The following ZNF471 variants were observed in gnomAD, a reference collection of about 807,000 sequenced individuals.
ZNF471 encodes zinc finger protein 471.
Under a neutral mutation model 13.7 loss-of-function variants are expected in ZNF471, and 7 were observed. The observed-to-expected ratio is 0.51, with a 90% confidence interval of 0.29 to 0.96. ZNF471 has a LOEUF of 0.96. ZNF471 is among the 40% of genes least tolerant of loss of function. ZNF471 has a pLI of 0.08. For missense variants in ZNF471, 663 were observed against 743.3 expected, an observed-to-expected ratio of 0.89 and a Z score of 1.26; for synonymous variants, 218 against 235.6, an observed-to-expected ratio of 0.93 and a Z score of 0.68.
At chr19:56,521,200 G>A (rs896781570) in intron 4 of ZNF471, among the ~76,000 whole-genome samples, 14 of 152,086 alleles carry the variant, frequency 9.2e-5, no homozygotes, top group Non-Finnish European at 1.8e-4. Flanking sequence ...TTTGTGTGGG[G>A]ACACAGCCAA....
At chr19:56,519,473 A>G (rs1184083949) in intron 4 of ZNF471, among the ~76,000 whole-genome samples, 1 of 152,002 alleles carries the variant, frequency 6.6e-6, no homozygotes, top group East Asian at 1.9e-4. Flanking sequence ...CAACCCAATA[A>G]CTGTCCACCA....
Position 56,518,508 on chromosome 19 carries a change from A to C in ZNF471, c.187A>C (p.Ile63Leu). 2.5e-6 allele frequency: 4 copies of C among 1,613,612 alleles called. No individual in the cohort carries two copies. The highest frequency in any genetic ancestry group is 3.4e-6 in the Non-Finnish European group (4 of 1,179,876). The change falls in exon 4 of 5, where the codon ATC becomes CTC. Residue 63 changes from isoleucine to leucine, a missense_variant. Transcript: ENST00000308031. ...TCTTTGCATTTCTAAGCCATATGTGATCTCCTTATTGGAGCAAGGGAGAGA... is the reference window on the plus strand; with the variant it reads ...TCTTTGCATTTCTAAGCCATATGTGCTCTCCTTATTGGAGCAAGGGAGAGA... ...LGLCISKPYV[I>L]SLLEQGREPW...
At position 56,508,199 on chromosome 19, in the gene ZNF471, A is replaced by C; in HGVS notation, c.-56+279A>C. The stretch of plus-strand genomic sequence containing the variant: ...TGCCTGTGTGTAAAAGATCTGTCAG[A>C]GTGTGAGGCTCCGTGAGAGGGTGTG... On this transcript the variant is annotated intron_variant, in intron 1 of 4. Transcript: ENST00000308031. This position sits in a 1 kb window ranked among gnomAD's most constrained non-coding sequence, Gnocchi z 4.7. The C allele has an allele frequency of 1.0e-6, 1 of 979,420 alleles. No individual in the cohort carries two copies. The highest frequency in any genetic ancestry group is 4.7e-5 in the South Asian group (1 of 21,066). The allele number at this position is 979,420 out of a possible 1,614,324, so 60.7% of individuals were successfully genotyped here. A position where few individuals can be genotyped will look rare whatever the true frequency, so the allele number is the denominator to read the frequency against.
Position 56,526,163 on chromosome 19 carries a change from A to T in ZNF471, c.*215A>T, listed in dbSNP as rs1214183603. On this transcript the variant is annotated 3_prime_UTR_variant, in exon 5 of 5. Transcript: ENST00000308031. Reference sequence around the variant, plus strand: ...TGCTTTCTGTATTTCCAGCTGAGGTACCTGGCTCATCTCATTGGGACTGGT... The same window carrying T: ...TGCTTTCTGTATTTCCAGCTGAGGTTCCTGGCTCATCTCATTGGGACTGGT... 6.0e-6 allele frequency: 3 copies of T among 503,758 alleles called. No individual in the cohort carries two copies. Among genetic ancestry groups the T allele is most frequent in the Non-Finnish European group, 1.0e-5 (3 of 293,310 alleles). The allele number at this position is 503,758 out of a possible 1,614,324, so 31.2% of individuals were successfully genotyped here. A position where few individuals can be genotyped will look rare whatever the true frequency, so the allele number is the denominator to read the frequency against.
At chr19:56,514,186 C>G (rs956155639) in intron 2 of ZNF471, among the ~76,000 whole-genome samples, 6 of 150,898 alleles carry the variant, frequency 4.0e-5, no homozygotes, top group African/African-American at 1.5e-4. Flanking sequence ...CTCGGCCACT[C>G]GAGTAGCTGG....
Position 56,524,232 on chromosome 19 carries a change from T to G in ZNF471, c.257-92T>G. On this transcript the variant is annotated intron_variant, in intron 4 of 4. Transcript: ENST00000308031. The surrounding 1 kb of genome is among the most constrained non-coding windows in gnomAD (Gnocchi z 4.8). ...TGTACATAACAGGTTTTGTGAGATT[T>G]ATTAAATATTTTTAAATTACCTTTT... is the stretch of plus-strand genomic sequence containing the variant. 1 of 946,788 alleles carries G rather than the reference T, an allele frequency of 1.1e-6. No individual in the cohort carries two copies. The highest frequency in any genetic ancestry group is 2.7e-5 in the East Asian group (1 of 37,138). 58.6% of individuals were successfully genotyped at this position (946,788 alleles called of 1,614,324 possible).
rs1036881335 is a variant in ZNF471, at chr19:56,527,948, A to G, written c.*2000A>G. ...TCATTTCACCTGGACTATTTCAATC[A>G]TTACACAGGTGTCCAACCTTTTGTC... On this transcript the variant is annotated 3_prime_UTR_variant, in exon 5 of 5. Coordinates refer to ENST00000308031, the MANE Select transcript of ZNF471 (RefSeq NM_020813.4). The G allele has an allele frequency of 2.0e-5, 3 of 152,228 alleles. No homozygotes were observed. The highest frequency in any genetic ancestry group is 2.9e-5 in the Non-Finnish European group (2 of 68,090). The allele number at this position is 152,228 out of a possible 1,614,324, so 9.4% of individuals were successfully genotyped here. A position where few individuals can be genotyped will look rare whatever the true frequency, so the allele number is the denominator to read the frequency against.
In ZNF471 at chr19:56,518,473, T is replaced by A. The variant is rs2043924412; in HGVS notation, c.161-9T>A. 1.2e-6 allele frequency: 2 copies of A among 1,608,498 alleles called. No homozygotes were observed. The highest frequency in any genetic ancestry group is 1.3e-5 in the African/African-American group (1 of 74,736). On this transcript the variant is annotated splice_polypyrimidine_tract_variant and intron_variant, in intron 3 of 4. Transcript: ENST00000308031. ...ATGACCAATTTTCATGTCTTTTTTT[T>A]ATATGTAGGTCTTTGCATTTCTAAG...
Position 56,525,422 on chromosome 19 carries a change from T to C in ZNF471, c.1355T>C (p.Val452Ala). Residue 452 changes from valine (V) to alanine (A), a missense_variant, in exon 5 of 5, where the codon GTA becomes GCA. Val to Ala is a moderately conservative substitution (Grantham distance 64, BLOSUM62 0). Transcript: ENST00000308031. ...GCATCACTCACTCAGCATCAAAGAGTACATTCTGGAGAGAAACCGTATGAA... is the reference window on the plus strand; with the variant it reads ...GCATCACTCACTCAGCATCAAAGAGCACATTCTGGAGAGAAACCGTATGAA... ...HHASLTQHQR[V>A]HSGEKPYECK... The C allele has an allele frequency of 1.9e-6, 3 of 1,613,988 alleles. No individual in the cohort carries two copies. The highest frequency in any genetic ancestry group is 2.5e-6 in the Non-Finnish European group (3 of 1,180,008).
rs2044029854 is a variant in ZNF471 at position 56,525,295 on chromosome 19, A to G, written c.1228A>G (p.Lys410Glu). Reference protein sequence around the residue: ...EKPYKCGVCGKTFSSGSSRTV... With the variant: ...EKPYKCGVCGETFSSGSSRTV... ...ACCTTACAAATGTGGTGTGTGTGGA[A>G]AAACCTTCAGCTCGGGTTCATCCCG... Residue 410 changes from lysine to glutamate, a missense_variant, in exon 5 of 5, where the codon AAA becomes GAA. Coordinates refer to ENST00000308031, the MANE Select transcript of ZNF471 (RefSeq NM_020813.4). The G allele has an allele frequency of 6.2e-7, 1 of 1,611,768 alleles. No individual in the cohort carries two copies. The highest frequency in any genetic ancestry group is 1.1e-5 in the South Asian group (1 of 90,844).
At position 56,514,059 on chromosome 19, in the gene ZNF471, A is replaced by AT. The variant is rs57705988; in HGVS notation, c.34-2194dup. Among the ~76,000 whole-genome samples, 607 of 116,652 alleles carry AT rather than the reference A, an allele frequency of 5.2e-3. 6 individuals are homozygous for AT. Among genetic ancestry groups the AT allele is most frequent in the East Asian group, 9.2e-3 (40 of 4,332 alleles). 76.5% of individuals were successfully genotyped at this position (116,652 alleles called of 152,430 possible). A position where few individuals can be genotyped will look rare whatever the true frequency, so the allele number is the denominator to read the frequency against. On this transcript the variant is annotated intron_variant, in intron 2 of 4. Transcript: ENST00000308031. ...TTTCTTTCATTGTTTTAACTTTTTA[A>AT]TTTTTTTTTTTTTTTTTTTTTTGAG...
At position 56,511,621 on chromosome 19, in the gene ZNF471, T is replaced by C; in HGVS notation, c.33+17T>C. 6.2e-7 allele frequency: 1 copy of C among 1,600,768 alleles called. No individual in the cohort carries two copies. Among genetic ancestry groups the C allele is most frequent in the Non-Finnish European group, 8.6e-7 (1 of 1,168,334 alleles). ...ATGCCCCAGGTTAGTGGATATTTTCTTTCTCTTCATGAAAGGCAGTCTTGC... is the reference window on the plus strand; with the variant it reads ...ATGCCCCAGGTTAGTGGATATTTTCCTTCTCTTCATGAAAGGCAGTCTTGC... On this transcript the variant is annotated intron_variant, in intron 2 of 4. Coordinates refer to ENST00000308031, the MANE Select transcript of ZNF471 (RefSeq NM_020813.4).
Position 56,524,645 on chromosome 19 carries a change from T to C in ZNF471, c.578T>C (p.Val193Ala). 1 of 1,585,318 alleles carries C rather than the reference T, an allele frequency of 6.3e-7. No homozygotes were observed. The highest frequency in any genetic ancestry group is 2.2e-5 in the East Asian group (1 of 44,786). ...DKKSFSKNSM[V>A]IKHKKVYVGK... ...AAAAGCTTCTCCAAAAATTCTATGGTAATAAAACACAAGAAAGTCTATGTA... is the reference window on the plus strand; with the variant it reads ...AAAAGCTTCTCCAAAAATTCTATGGCAATAAAACACAAGAAAGTCTATGTA... Residue 193 changes from valine (V) to alanine (A), a missense_variant, in exon 5 of 5, where the codon GTA (valine) becomes GCA (alanine). Physicochemically the swap from Val to Ala is moderately conservative, Grantham distance 64. Transcript: ENST00000308031. The surrounding 1 kb of genome is among the most constrained non-coding windows in gnomAD (Gnocchi z 4.8).
rs1171153301 is a variant in ZNF471 at position 56,508,722 on chromosome 19, G to T, written c.-56+802G>T. ...GGTGTTTTGGGTGAAAGACCCGTCA[G>T]TGTGTGAGGCCGTGTTATGTGTGTC... On this transcript the variant is annotated intron_variant, in intron 1 of 4. Transcript: ENST00000308031. The surrounding 1 kb of genome is among the most constrained non-coding windows in gnomAD (Gnocchi z 4.7). 6.6e-6 allele frequency among the ~76,000 whole-genome samples: 1 copy of T among 151,908 alleles called. No individual in the cohort carries two copies. The highest frequency in any genetic ancestry group is 2.4e-5 in the African/African-American group (1 of 41,330).
chr19:56,525,435 G>A lies in ZNF471; in HGVS notation c.1368G>A (p.Glu456=). Residue 456 remains glutamate (E), a synonymous_variant, in exon 5 of 5, where the codon GAG becomes GAA. Transcript: ENST00000308031. ...AGCATCAAAGAGTACATTCTGGAGA[G>A]AAACCGTATGAATGCAAGGAATGTG... ...LTQHQRVHSG[E]KPYECKECGK... is the part of the protein sequence containing the mutation. 6.2e-7 allele frequency: 1 copy of A among 1,614,136 alleles called. No individual in the cohort carries two copies. Among genetic ancestry groups the A allele is most frequent in the Non-Finnish European group, 8.5e-7 (1 of 1,180,038 alleles).
Position 56,518,660 on chromosome 19 carries a change from C to T in ZNF471, c.256+83C>T. 2.6e-6 allele frequency: 3 copies of T among 1,158,870 alleles called. No individual in the cohort carries two copies. In the South Asian group the frequency reaches 4.3e-5, roughly 16 times the overall value. The allele number at this position is 1,158,870 out of a possible 1,614,324, so 71.8% of individuals were successfully genotyped here. On this transcript the variant is annotated intron_variant, in intron 4 of 4. Transcript: ENST00000308031. Reference sequence around the variant, plus strand: ...TAGAGGTGATACCTTCTCACTTATGCATCTCAGAAACTCTTCATAAGCCTT... The same window carrying T: ...TAGAGGTGATACCTTCTCACTTATGTATCTCAGAAACTCTTCATAAGCCTT...
chr19:56,508,259 C>A lies in ZNF471; in HGVS notation c.-56+339C>A. 1 of 553,502 alleles carries A rather than the reference C, an allele frequency of 1.8e-6. No individual in the cohort carries two copies. Among genetic ancestry groups the A allele is most frequent in the Non-Finnish European group, 2.3e-6 (1 of 443,038 alleles). The allele number at this position is 553,502 out of a possible 1,614,324, so 34.3% of individuals were successfully genotyped here. On this transcript the variant is annotated intron_variant, in intron 1 of 4. Coordinates refer to ENST00000308031, the MANE Select transcript of ZNF471 (RefSeq NM_020813.4). This position sits in a 1 kb window ranked among gnomAD's most constrained non-coding sequence, Gnocchi z 4.7. ...TGTGTGTGTGTGTGTGTGTGACAGA[C>A]CGAGAGTCCAGTGTGAGACCAGGGT...
intron 1 of ZNF471, among the ~76,000 whole-genome samples, chr19:56,509,053 A>C (rs181545113): frequency 1.1e-4 from 16 of 152,304 alleles, no homozygotes; most frequent in Admixed American, 5.2e-4. Context: ...TGGAATCTCC[A>C]AAGTATTAAG....
rs1363705659 is a variant in ZNF471 at position 56,527,761 on chromosome 19, T to C, written c.*1813T>C. The C allele has an allele frequency of 6.6e-6, 1 of 152,230 alleles. No homozygotes were observed. The highest frequency in any genetic ancestry group is 1.5e-5 in the Non-Finnish European group (1 of 68,048). 9.4% of individuals were successfully genotyped at this position (152,230 alleles called of 1,614,324 possible). A position where few individuals can be genotyped will look rare whatever the true frequency, so the allele number is the denominator to read the frequency against. Reference sequence around the variant, plus strand: ...AGAGCGGTCTTAACAATGTAAAGAATGTGCAAATGTCCTCAGACAAGATGC... The same window carrying C: ...AGAGCGGTCTTAACAATGTAAAGAACGTGCAAATGTCCTCAGACAAGATGC... On this transcript the variant is annotated 3_prime_UTR_variant, in exon 5 of 5. Coordinates refer to ENST00000308031, the MANE Select transcript of ZNF471 (RefSeq NM_020813.4).
Sources: gnomAD v4.1 joint callset for allele counts (sites outside exome capture counted in the v4.1 genomes callset) on GRCh38, gnomAD v4.1.1 for gene constraint, Gnocchi (gnomAD v3.1) non-coding constraint, MANE v1.5 for transcripts, NCBI Gene and HGNC (gene_info 2026-07-23, HGNC 2026-07-21) for gene names.